The following PCDH9 variants were observed in gnomAD, a reference collection of about 807,000 sequenced individuals.
PCDH9 encodes the protein protocadherin-9.
PCDH9 carries 24 observed loss-of-function variants against 70.6 expected under a neutral mutation model. That is an observed-to-expected ratio of 0.34 (90% confidence interval 0.25 to 0.48). The LOEUF (loss-of-function observed/expected upper bound fraction) is 0.48. Among genes scored for constraint, PCDH9 ranks in the 20% least tolerant of loss-of-function variants. The probability of loss-of-function intolerance (pLI) is 0.99; values close to 1 mark genes in which losing one functional copy is unlikely to be tolerated. For synonymous variants in PCDH9, 562 were observed against 558.5 expected (o/e 1.01, Z -0.09); for missense variants, 1,281 against 1,503.6 (o/e 0.85, Z 2.45).
chr13:66,511,775 TTC>T (rs1959484525), intron 4 of PCDH9, among the ~76,000 whole-genome samples: 2 of 152,166 alleles, frequency 1.3e-5, no homozygotes, highest in South Asian at 4.1e-4. Flanking sequence ...GCTCCTGCTT[TTC>T]CCATGTGATA....
At chr13:66,338,682 C>T (rs925045239) in intron 4 of PCDH9, among the ~76,000 whole-genome samples, 1 of 151,806 alleles carries the variant, frequency 6.6e-6, no homozygotes, top group African/African-American at 2.4e-5. Context: ...ATTCTATCTG[C>T]CTTCTAGCTA....
chr13:66,954,763 T>G (rs1228083377), intron 2 of PCDH9, among the ~76,000 whole-genome samples: 2 of 152,124 alleles, frequency 1.3e-5, no homozygotes, highest in Non-Finnish European at 2.9e-5. Flanking sequence ...AGAACTTTTT[T>G]TGTTTTGTTT....
intron 2 of PCDH9, among the ~76,000 whole-genome samples, chr13:66,986,262 A>T (rs1403225741): frequency 1.3e-5 from 2 of 151,822 alleles, no homozygotes; most frequent in Non-Finnish European, 2.9e-5. Context: ...TGGCTTCATG[A>T]TTCAATTACC....
At chr13:67,062,609 G>A (rs902913489) in intron 2 of PCDH9, among the ~76,000 whole-genome samples, 13 of 152,148 alleles carry the variant, frequency 8.5e-5, no homozygotes, top group African/African-American at 3.1e-4. Flanking sequence ...TGTGTGTTCT[G>A]TACAACATCT....
intron 4 of PCDH9, among the ~76,000 whole-genome samples, chr13:66,337,878 G>T (rs1036747061): frequency 1.3e-5 from 2 of 152,040 alleles, no homozygotes; most frequent in East Asian, 3.8e-4. Flanking sequence ...CTGTGCTCCT[G>T]ATTTTAGAAG....
intron 2 of PCDH9, among the ~76,000 whole-genome samples, chr13:66,951,532 C>T (rs2083180896): frequency 7.1e-6 from 1 of 140,172 alleles, no homozygotes; most frequent in African/African-American, 2.9e-5. Flanking sequence ...AACCTATTCT[C>T]ATAGGCTGAA....
chr13:66,855,739 C>G (rs1405053648), intron 3 of PCDH9, among the ~76,000 whole-genome samples: 1 of 151,938 alleles, frequency 6.6e-6, no homozygotes, highest in Non-Finnish European at 1.5e-5. Context: ...GCTGGGAAGT[C>G]AAACCCTTGG....
chr13:66,322,915 A>T (rs267316), intron 4 of PCDH9, among the ~76,000 whole-genome samples: 151,182 of 152,140 alleles, frequency 0.99, 75,139 homozygotes, highest in Middle Eastern at 1. Context: ...TGGCTCTTTT[A>T]AAAAATTCTT....
chr13:66,789,454 CAA>C (rs545245174), intron 3 of PCDH9, among the ~76,000 whole-genome samples: 125 of 152,256 alleles, frequency 8.2e-4, no homozygotes, highest in African/African-American at 2.8e-3. Flanking sequence ...TCCAGCTCAT[CAA>C]AAGAGTCTCT....
chr13:66,369,721 C>T (rs1021596435), intron 4 of PCDH9, among the ~76,000 whole-genome samples: 3 of 152,042 alleles, frequency 2.0e-5, no homozygotes, highest in Admixed American at 2.0e-4. Flanking sequence ...AGTAACAGTG[C>T]TTCTTTCTGA....
intron 2 of PCDH9, among the ~76,000 whole-genome samples, chr13:66,966,629 AC>A (rs780733601): frequency 2.0e-5 from 3 of 152,126 alleles, no homozygotes; most frequent in Non-Finnish European, 4.4e-5. Flanking sequence ...CATGTTTGCT[AC>A]AAATTTCTAT....
chr13:66,763,050 TG>T (rs2079653902), intron 3 of PCDH9, among the ~76,000 whole-genome samples: 1 of 151,970 alleles, frequency 6.6e-6, no homozygotes, highest in Non-Finnish European at 1.5e-5. Context: ...ACTGCAACCC[TG>T]AACTCCTTGT....
chr13:66,453,379 T>G (rs188221213), intron 4 of PCDH9, among the ~76,000 whole-genome samples: 9 of 152,328 alleles, frequency 5.9e-5, no homozygotes. Context: ...AGAGCTATTC[T>G]TCCTACTAGA....
chr13:67,051,289 C>T (rs1196320791), intron 2 of PCDH9, among the ~76,000 whole-genome samples: 1 of 151,224 alleles, frequency 6.6e-6, no homozygotes, highest in African/African-American at 2.4e-5. Context: ...AGCGTTGATT[C>T]ACTCTCTTTG....
chr13:66,631,260 G>C lies in PCDH9; in HGVS notation c.3290C>G (p.Ala1097Gly). 2 of 1,610,902 alleles carry C rather than the reference G, an allele frequency of 1.2e-6. No individual in the cohort carries two copies. Among genetic ancestry groups the C allele is most frequent in the Non-Finnish European group, 1.7e-6 (2 of 1,177,074 alleles). The change falls in exon 4 of 5, where the codon GCC becomes GGC. Residue 1097 changes from alanine (A) to glycine (G), a missense_variant. Around this residue, in one of 4 missense-constraint regions of PCDH9, gnomAD observed 264 missense variants for 278.8 expected, o/e 0.95. Transcript: ENST00000377865. ...VQPQDEFYDQ[A>G]SPDKRTEADG... Reference sequence around the variant, plus strand: ...TGCTTCAGTCCTCTTGTCCGGAGAGGCCTGGTCATAGAATTCGTCCTGTGG... The same window carrying C: ...TGCTTCAGTCCTCTTGTCCGGAGAGCCCTGGTCATAGAATTCGTCCTGTGG...
At chr13:66,861,289 G>A (rs1057369099) in intron 3 of PCDH9, among the ~76,000 whole-genome samples, 1 of 152,142 alleles carries the variant, frequency 6.6e-6, no homozygotes, top group African/African-American at 2.4e-5. Flanking sequence ...GGGATACTGG[G>A]GTGATAAATC....
intron 4 of PCDH9, among the ~76,000 whole-genome samples, chr13:66,509,723 G>A (rs1461569595): frequency 6.6e-6 from 1 of 151,982 alleles, no homozygotes; most frequent in Non-Finnish European, 1.5e-5. Flanking sequence ...AAAGCGCTGG[G>A]ACTGCAATCA....
At chr13:66,401,505 T>G (rs2138296037) in intron 4 of PCDH9, among the ~76,000 whole-genome samples, 1 of 152,198 alleles carries the variant, frequency 6.6e-6, no homozygotes, top group African/African-American at 2.4e-5. Flanking sequence ...CCTTTATAAA[T>G]TACCCAATCT....
At chr13:66,900,007 C>T (rs1344302295) in intron 3 of PCDH9, among the ~76,000 whole-genome samples, 1 of 151,928 alleles carries the variant, frequency 6.6e-6, no homozygotes, top group Non-Finnish European at 1.5e-5. Context: ...CTAATGCTAT[C>T]ACTAGCTAGC....
Sources: gnomAD v4.1 joint callset for allele counts (sites outside exome capture counted in the v4.1 genomes callset) on GRCh38, gnomAD v4.1.1 for gene constraint, gnomAD v4.1.1 regional missense constraint, MANE v1.5 for transcripts, NCBI Gene and HGNC (gene_info 2026-07-23, HGNC 2026-07-21) for gene names.